ESRRG: variants seen among roughly 807,000 people sequenced by gnomAD.
The protein encoded by ESRRG is estrogen related receptor gamma.
Under a neutral mutation model 44.0 loss-of-function variants are expected in ESRRG, and 13 were observed. That is an observed-to-expected ratio of 0.30 (90% CI 0.19 to 0.47). ESRRG has a LOEUF of 0.47. Among genes scored for constraint, ESRRG ranks in the 20% least tolerant of loss-of-function variants. The pLI is 1.00. For missense variants in ESRRG, 395 were observed against 580.6 expected (o/e 0.68, Z 3.29); for synonymous variants, 215 against 214.6 (o/e 1.00, Z -0.02).
chr1:216,667,531 CA>C (rs1366704459), intron 2 of ESRRG, among the ~76,000 whole-genome samples: 2 of 150,964 alleles, frequency 1.3e-5, no homozygotes, highest in African/African-American at 4.9e-5. Flanking sequence ...ACTAAAAGTA[CA>C]AAAATTAGCC....
intron 3 of ESRRG, among the ~76,000 whole-genome samples, chr1:216,589,903 C>CAAAAAAAAAAAAAA (rs58458686): frequency 3.1e-5 from 1 of 32,238 alleles, no homozygotes; most frequent in African/African-American, 1.4e-4. Context: ...AACTCTGTCT[C>CAAAAAAAAAAAAAA]AAAAAAAAAA....
chr1:216,714,933 G>T, intron 1 of ESRRG: 1 of 246,292 alleles, frequency 4.1e-6, no homozygotes, highest in Non-Finnish European at 6.5e-6. Context: ...AAATCTACTT[G>T]AATGACTGAG....
chr1:216,779,917 A>T (rs1226307461), intron 2 of ESRRG, among the ~76,000 whole-genome samples: 1 of 151,800 alleles, frequency 6.6e-6, no homozygotes, highest in South Asian at 2.1e-4. Context: ...CACATTAAAA[A>T]TCAAACAAGA....
rs397861468 is a variant in ESRRG, at chr1:216,611,211, C to CAAAAA, written c.589+39757_589+39761dup. On this transcript the variant is annotated intron_variant, in intron 3 of 6. Coordinates refer to ENST00000408911, the MANE Select transcript of ESRRG (RefSeq NM_001438.4). ...AGAGCCAAAAGTGAAACTCCGTCCTCAAAAAAAAAAAAAAAAAAAAAAAAA... is the reference window on the plus strand; with the variant it reads ...AGAGCCAAAAGTGAAACTCCGTCCTCAAAAAAAAAAAAAAAAAAAAAAAAAAAAAA... 1.3e-3 allele frequency among the ~76,000 whole-genome samples: 76 copies of CAAAAA among 60,434 alleles called. 3 individuals are homozygous for CAAAAA. The highest frequency in any genetic ancestry group is 5.7e-3 in the African/African-American group (70 of 12,176). 39.6% of individuals were successfully genotyped at this position (60,434 alleles called of 152,430 possible). A position where few individuals can be genotyped will look rare whatever the true frequency, so the allele number is the denominator to read the frequency against.
chr1:216,775,489 C>A (rs970296755), intron 2 of ESRRG, among the ~76,000 whole-genome samples: 1 of 147,960 alleles, frequency 6.8e-6, no homozygotes, highest in Admixed American at 6.8e-5. Context: ...CCACACCACT[C>A]TATTCCCAAT....
At chr1:216,734,999 C>A (rs2089609504) in intron 2 of ESRRG, among the ~76,000 whole-genome samples, 1 of 148,902 alleles carries the variant, frequency 6.7e-6, no homozygotes, top group African/African-American at 2.5e-5. Flanking sequence ...ACCTCCGCCT[C>A]CTGGGTTCAA....
chr1:216,882,069 A>G (rs996879235), intron 2 of ESRRG, among the ~76,000 whole-genome samples: 3 of 151,756 alleles, frequency 2.0e-5, no homozygotes, highest in Non-Finnish European at 4.4e-5. Context: ...TCTCCCTGTG[A>G]TACCTTTGTT....
chr1:217,046,565 G>A (rs1471587313), intron 1 of ESRRG, among the ~76,000 whole-genome samples: 1 of 152,126 alleles, frequency 6.6e-6, no homozygotes, highest in Non-Finnish European at 1.5e-5. Context: ...TGATTTTTGA[G>A]AGGAAAATCT....
intron 1 of ESRRG, among the ~76,000 whole-genome samples, chr1:216,702,537 T>G (rs1302799798): frequency 6.8e-6 from 1 of 147,344 alleles, no homozygotes; most frequent in African/African-American, 2.5e-5. Flanking sequence ...CCGAGATGGG[T>G]GGATCACTTG....
chr1:216,935,247 G>A (rs1349705992), intron 2 of ESRRG, among the ~76,000 whole-genome samples: 1 of 152,032 alleles, frequency 6.6e-6, no homozygotes, highest in Non-Finnish European at 1.5e-5. Flanking sequence ...CCACAGGTTA[G>A]GGGCTCAGTC....
chr1:216,697,795 A>G (rs905936549), intron 1 of ESRRG, among the ~76,000 whole-genome samples: 6 of 152,228 alleles, frequency 3.9e-5, no homozygotes, highest in Non-Finnish European at 7.3e-5. Context: ...GCTTAGCTAC[A>G]TTCAACCATC....
intron 2 of ESRRG, among the ~76,000 whole-genome samples, chr1:216,754,137 G>C (rs1353509416): frequency 6.6e-6 from 1 of 151,974 alleles, no homozygotes; most frequent in African/African-American, 2.4e-5. Context: ...TTTTAAAAGA[G>C]ATGGAGGAAA....
At chr1:216,567,171 G>A (rs2047430) in intron 4 of ESRRG, among the ~76,000 whole-genome samples, 66,204 of 151,984 alleles carry the variant, frequency 0.44, 14,867 homozygotes, top group African/African-American at 0.48. Context: ...TCACCAAAGC[G>A]CTCCTCCATG....
Position 217,083,011 on chromosome 1 carries a change from G to A in ESRRG, c.-106+6496C>T, listed in dbSNP as rs144960770. On this transcript the variant is annotated intron_variant, in intron 1 of 7. Transcript: ENST00000359162. ...TGCTTTCTTTTAAACACCAACCATCGCAAGTCTAGATAAATGATAAACTCT... is the reference window on the plus strand; with the variant it reads ...TGCTTTCTTTTAAACACCAACCATCACAAGTCTAGATAAATGATAAACTCT... Among the ~76,000 whole-genome samples, 50 of 152,126 alleles carry A rather than the reference G, an allele frequency of 3.3e-4. No homozygotes were observed. In the East Asian group the frequency reaches 4.4e-3, roughly 14 times the overall value.
chr1:216,668,331 C>T (rs954062214), intron 2 of ESRRG, among the ~76,000 whole-genome samples: 2 of 152,142 alleles, frequency 1.3e-5, no homozygotes, highest in African/African-American at 4.8e-5. Context: ...TTGGCATATA[C>T]CCCTTACATG....
chr1:216,860,843 CTAT>C (rs1305026764), intron 2 of ESRRG, among the ~76,000 whole-genome samples: 1 of 151,998 alleles, frequency 6.6e-6, no homozygotes, highest in Non-Finnish European at 1.5e-5. Context: ...AATTTATTTG[CTAT>C]TATTATTAGT....
intron 2 of ESRRG, among the ~76,000 whole-genome samples, chr1:216,808,363 T>G (rs547102866): frequency 6.6e-6 from 1 of 152,152 alleles, no homozygotes; most frequent in Non-Finnish European, 1.5e-5. Context: ...AAAAGTCCTG[T>G]CTGAACGAGA....
intron 1 of ESRRG, among the ~76,000 whole-genome samples, chr1:216,974,498 T>C (rs904035543): frequency 6.6e-6 from 1 of 152,150 alleles, no homozygotes; most frequent in African/African-American, 2.4e-5. Flanking sequence ...TTTCTTAAGC[T>C]GAGATTCATA....
In ESRRG at chr1:216,519,363, T is replaced by C; in HGVS notation, c.921A>G (p.Glu307=). The C allele has an allele frequency of 6.2e-7, 1 of 1,613,674 alleles. No individual in the cohort carries two copies. Among genetic ancestry groups the C allele is most frequent in the African/African-American group, 1.3e-5 (1 of 75,000 alleles). Residue 307 remains glutamate (E), a synonymous_variant, in exon 6 of 7, where the codon GAA becomes GAG. Transcript: ENST00000408911. The stretch of plus-strand genomic sequence containing the variant: ...GGTATACGACACCAAGGATCAAAAT[T>C]TCCATCCAAGCACTCTGCAGAAGGC... The part of the protein sequence containing the change: ...QMSLLQSAWM[E]ILILGVVYRS...
Sources: gnomAD v4.1 joint callset for allele counts (sites outside exome capture counted in the v4.1 genomes callset) on GRCh38, gnomAD v4.1.1 for gene constraint, MANE v1.5 for transcripts, NCBI Gene and HGNC (gene_info 2026-07-23, HGNC 2026-07-21) for gene names.